The following ANKRD13C variants were observed in gnomAD, a reference collection of about 807,000 sequenced individuals.
ANKRD13C encodes the protein ankyrin repeat domain 13C, also known as ankyrin repeat domain-containing protein 13C.
In ANKRD13C, 16 loss-of-function variants were observed where a neutral mutation model predicts 65.5. That is an observed-to-expected ratio of 0.24 (90% CI 0.17 to 0.37). ANKRD13C has a LOEUF of 0.37. Ranked by LOEUF, ANKRD13C falls within the 10% of genes least tolerant of loss-of-function variation. ANKRD13C has a pLI of 1.00. For synonymous variants in ANKRD13C, 235 were observed against 238.7 expected (o/e 0.98, Z 0.14); for missense variants, 503 against 655.9 (o/e 0.77, Z 2.55).
At chr1:70,292,265 A>G (rs1679896263) in intron 9 of ANKRD13C, 123 bp downstream of exon 9, 2 of 666,260 alleles carry the variant, frequency 3.0e-6, no homozygotes, top group Non-Finnish European at 4.5e-6. Flanking sequence ...ATTCACAGAA[A>G]AAGGTAACAC....
intron 12 of ANKRD13C, among the ~76,000 whole-genome samples, chr1:70,263,743 G>A (rs1678483625): frequency 6.6e-6 from 1 of 152,046 alleles, no homozygotes; most frequent in Non-Finnish European, 1.5e-5. Flanking sequence ...TTGAGCCCAG[G>A]AGTTCAAAAC....
intron 9 of ANKRD13C, among the ~76,000 whole-genome samples, chr1:70,281,396 C>CTTTTTTT (rs71583111): frequency 9.4e-5 from 8 of 85,336 alleles, no homozygotes; most frequent in Non-Finnish European, 1.1e-4. Context: ...TGACTAAATT[C>CTTTTTTT]TTTTTTTTTT....
chr1:70,260,735 G>GA lies in ANKRD13C; in HGVS notation c.*1981dup, dbSNP rs1168433686. 2 of 151,904 alleles carry GA rather than the reference G, an allele frequency of 1.3e-5. No individual in the cohort carries two copies. The highest frequency in any genetic ancestry group is 4.8e-5 in the African/African-American group (2 of 41,360). The allele number at this position is 151,904 out of a possible 1,614,324, so 9.4% of individuals were successfully genotyped here. The stretch of plus-strand genomic sequence containing the variant: ...TAATCTGTTTCTACCATTCTTTAAA[G>GA]AAAAAAGCTTTAAAAACAAAATTCA... On this transcript the variant is annotated 3_prime_UTR_variant, in exon 13 of 13. Transcript: ENST00000370944.
chr1:70,324,483 T>C (rs1681448316), intron 3 of ANKRD13C, among the ~76,000 whole-genome samples: 4 of 152,226 alleles, frequency 2.6e-5, no homozygotes, highest in Admixed American at 2.6e-4. Context: ...CAGATAACTA[T>C]TGTAACACTA....
At chr1:70,311,543 C>A (rs769139287) in intron 5 of ANKRD13C, among the ~76,000 whole-genome samples, 2 of 151,910 alleles carry the variant, frequency 1.3e-5, no homozygotes, top group Non-Finnish European at 2.9e-5. Context: ...AGAAAAAAAA[C>A]CTAATTCTGA....
intron 10 of ANKRD13C, among the ~76,000 whole-genome samples, chr1:70,275,138 C>G (rs1679072995): frequency 6.6e-6 from 1 of 152,116 alleles, no homozygotes; most frequent in Non-Finnish European, 1.5e-5. Flanking sequence ...TATTGTATAT[C>G]TTTAAAGTCA....
intron 12 of ANKRD13C, among the ~76,000 whole-genome samples, chr1:70,268,883 GTTTT>G (rs985213533): frequency 4.0e-5 from 6 of 151,408 alleles, no homozygotes; most frequent in African/African-American, 1.2e-4. Flanking sequence ...TGATTTTTTA[GTTTT>G]TTTTTAAAAT....
chr1:70,318,594 C>T (rs1347980524), intron 3 of ANKRD13C, among the ~76,000 whole-genome samples: 1 of 151,966 alleles, frequency 6.6e-6, no homozygotes, highest in African/African-American at 2.4e-5. Context: ...CACCATCAAT[C>T]CATAATAGAG....
At chr1:70,319,468 G>A (rs1681211987) in intron 3 of ANKRD13C, among the ~76,000 whole-genome samples, 1 of 151,948 alleles carries the variant, frequency 6.6e-6, no homozygotes, top group Non-Finnish European at 1.5e-5. Context: ...TTAGCTGGGT[G>A]TGGTGGCGGG....
intron 12 of ANKRD13C, among the ~76,000 whole-genome samples, chr1:70,264,422 G>A (rs1678518467): frequency 7.3e-6 from 1 of 136,776 alleles, no homozygotes; most frequent in Non-Finnish European, 1.5e-5. Flanking sequence ...GTTGCAGTGA[G>A]CCAAGATTGC....
chr1:70,303,896 G>A (rs967219511), intron 6 of ANKRD13C, among the ~76,000 whole-genome samples: 1 of 152,144 alleles, frequency 6.6e-6, no homozygotes, highest in African/African-American at 2.4e-5. Flanking sequence ...TTTGATGAGA[G>A]CTTTAGAACC....
At chr1:70,296,815 C>G (rs190638413) in intron 7 of ANKRD13C, among the ~76,000 whole-genome samples, 1 of 152,234 alleles carries the variant, frequency 6.6e-6, no homozygotes, top group Admixed American at 6.5e-5. Context: ...GGAAAAGAAG[C>G]AAGAAAGGAT....
chr1:70,289,885 G>GGC (rs1378477764), intron 9 of ANKRD13C, among the ~76,000 whole-genome samples: 2 of 152,126 alleles, frequency 1.3e-5, no homozygotes, highest in Non-Finnish European at 1.5e-5. Flanking sequence ...CCAAAGAGAT[G>GGC]GCCTTTTGTC....
intron 1 of ANKRD13C, among the ~76,000 whole-genome samples, chr1:70,346,252 G>A (rs1682522439): frequency 6.6e-6 from 1 of 152,096 alleles, no homozygotes; most frequent in Non-Finnish European, 1.5e-5. Flanking sequence ...AGATTAGGAT[G>A]TAATAAAATT....
At chr1:70,344,220 C>G (rs1682430579) in intron 1 of ANKRD13C, among the ~76,000 whole-genome samples, 1 of 149,402 alleles carries the variant, frequency 6.7e-6, no homozygotes, top group African/African-American at 2.5e-5. Flanking sequence ...ATTGCTTAAA[C>G]CGGGAGGTGG....
rs192542058 is a variant in ANKRD13C at position 70,287,374 on chromosome 1, T to C, written c.1215+5014A>G. Among the ~76,000 whole-genome samples the C allele has an allele frequency of 6.4e-4, 96 of 149,518 alleles. 1 individual carries two copies. The East Asian group carries it at 0.018, about 27-fold the overall frequency. ...TCTCAAAAAATGATACTGGAGCAACTGGGCATCCAAGGCAAAAAAAAAATA... is the reference window on the plus strand; with the variant it reads ...TCTCAAAAAATGATACTGGAGCAACCGGGCATCCAAGGCAAAAAAAAAATA... On this transcript the variant is annotated intron_variant, in intron 9 of 12. Transcript: ENST00000370944.
At chr1:70,293,497 T>C (rs994187500) in intron 8 of ANKRD13C, 75 of 956,624 alleles carry the variant, frequency 7.8e-5, no homozygotes, top group Non-Finnish European at 9.0e-5. Flanking sequence ...ACTGACTCCC[T>C]CCTTACCTGT....
At chr1:70,295,366 G>A (rs1008444331) in intron 8 of ANKRD13C, among the ~76,000 whole-genome samples, 3 of 152,002 alleles carry the variant, frequency 2.0e-5, no homozygotes, top group Non-Finnish European at 4.4e-5. Context: ...TCCTGCCTCA[G>A]CCTTCCGAGT....
chr1:70,304,776 A>G (rs185137732), intron 6 of ANKRD13C, among the ~76,000 whole-genome samples: 1 of 152,186 alleles, frequency 6.6e-6, no homozygotes, highest in Admixed American at 6.5e-5. Context: ...GCAAGCACCT[A>G]TATTAAAAAT....
Sources: allele counts gnomAD v4.1 joint callset (sites outside exome capture counted in the v4.1 genomes callset), GRCh38; gene constraint gnomAD v4.1.1; transcripts MANE v1.5; gene names NCBI Gene and HGNC (gene_info 2026-07-23, HGNC 2026-07-21).